Variants in KCNMA1 observed in about 807,000 individuals in gnomAD.
The protein encoded by KCNMA1 is Calcium-activated potassium channel subunit alpha-1.
KCNMA1 carries 29 observed loss-of-function variants against 140.0 expected under a neutral mutation model. The observed-to-expected ratio is 0.21, with a 90% CI of 0.15 to 0.28. The LOEUF is 0.28. Ranked by LOEUF, KCNMA1 falls within the 10% of genes least tolerant of loss-of-function variation. KCNMA1 has a pLI of 1.00. For synonymous variants in KCNMA1, 612 were observed against 611.9 expected (o/e 1.00, Z 0.00); for missense variants, 880 against 1,602.2 (o/e 0.55, Z 7.70).
At chr10:77,425,265 C>T (rs969299686) in intron 1 of KCNMA1, among the ~76,000 whole-genome samples, 2 of 152,188 alleles carry the variant, frequency 1.3e-5, no homozygotes, top group African/African-American at 4.8e-5. Context: ...ATCTTGGTTA[C>T]CCTCACCTGA....
chr10:77,305,517 T>C (rs1054076704), intron 2 of KCNMA1, among the ~76,000 whole-genome samples: 1 of 152,204 alleles, frequency 6.6e-6, no homozygotes, highest in Non-Finnish European at 1.5e-5. Flanking sequence ...TGTTCCTCTT[T>C]ACATCTCTTC....
chr10:76,873,648 A>G (rs1434603308), downstream of KCNMA1: 1 of 152,194 alleles, frequency 6.6e-6, no homozygotes, highest in African/African-American at 2.4e-5. Flanking sequence ...CCTGGAACTC[A>G]GTGTTCAAGC....
intron 20 of KCNMA1, among the ~76,000 whole-genome samples, chr10:76,954,928 A>G (rs989463133): frequency 6.6e-6 from 1 of 152,178 alleles, no homozygotes; most frequent in East Asian, 1.9e-4. Context: ...TGCACCTTGA[A>G]TCATAGTCAA....
chr10:77,335,556 C>CT (rs2088607318), intron 2 of KCNMA1, among the ~76,000 whole-genome samples: 1 of 152,108 alleles, frequency 6.6e-6, no homozygotes, highest in African/African-American at 2.4e-5. Flanking sequence ...ATGTTTGCAC[C>CT]TTTTTTAAAG....
intron 23 of KCNMA1, among the ~76,000 whole-genome samples, chr10:76,920,020 G>GTATA (rs1169838049): frequency 0.047 from 1,615 of 34,362 alleles, 151 homozygotes; most frequent in Non-Finnish European, 0.064. Flanking sequence ...GTGTGTGTGT[G>GTATA]TATATATATA....
In KCNMA1 at chr10:76,887,580, GA is replaced by G. The variant is rs2037693357; in HGVS notation, c.3462-66del. The G allele has an allele frequency of 8.8e-6, 14 of 1,588,382 alleles. No individual in the cohort carries two copies. In the East Asian group the frequency reaches 3.1e-4, roughly 36 times the overall value. ...CTGAGTAAAGAATTCAACTCTCTCT[GA>G]ACCAAAAGCAATGGCCTGGTTACTC... On this transcript the variant is annotated intron_variant, in intron 27 of 27. Transcript: ENST00000286628.
intron 9 of KCNMA1, among the ~76,000 whole-genome samples, chr10:77,101,497 C>T (rs1409396085): frequency 1.3e-5 from 2 of 152,210 alleles, no homozygotes; most frequent in Non-Finnish European, 2.9e-5. Flanking sequence ...CCTGTGTTTC[C>T]TTCTGACTAG....
chr10:77,066,910 C>T (rs2153689825), intron 14 of KCNMA1, among the ~76,000 whole-genome samples: 1 of 152,270 alleles, frequency 6.6e-6, no homozygotes, highest in East Asian at 1.9e-4. Context: ...GCAGCCCTGG[C>T]CCCATTTCAG....
At chr10:77,636,447 G>A (rs1049334725) in intron 1 of KCNMA1, 1 of 1,536,194 alleles carries the variant, frequency 6.5e-7, no homozygotes, top group African/African-American at 1.4e-5. Context: ...GTAAAACCGC[G>A]GCCTCAGGCG....
intron 12 of KCNMA1, among the ~76,000 whole-genome samples, chr10:77,080,120 A>C (rs1595501051): frequency 6.6e-6 from 1 of 152,226 alleles, no homozygotes; most frequent in Non-Finnish European, 1.5e-5. Context: ...AGTGAGAAAG[A>C]AAGCTCAAAG....
intron 1 of KCNMA1, among the ~76,000 whole-genome samples, chr10:77,631,105 C>A (rs1603639105): frequency 1.1e-5 from 1 of 90,120 alleles, no homozygotes; most frequent in Non-Finnish European, 2.3e-5. Flanking sequence ...AGACCCTGTC[C>A]CAAAAAAAAA....
intron 1 of KCNMA1, among the ~76,000 whole-genome samples, chr10:77,582,610 G>A (rs574144894): frequency 6.6e-6 from 1 of 152,284 alleles, no homozygotes; most frequent in Admixed American, 6.5e-5. Context: ...CCCGGAAGTA[G>A]CCCCAACCTT....
intron 2 of KCNMA1, among the ~76,000 whole-genome samples, chr10:77,382,990 G>GTATATATA (rs1401181000): frequency 2.2e-3 from 92 of 42,560 alleles, no homozygotes; most frequent in African/African-American, 0.016. Flanking sequence ...GTGTGTGTGT[G>GTATATATA]TGTGTATATA....
At chr10:77,614,439 G>A (rs1167910305) in intron 1 of KCNMA1, among the ~76,000 whole-genome samples, 1 of 152,206 alleles carries the variant, frequency 6.6e-6, no homozygotes, top group Non-Finnish European at 1.5e-5. Context: ...AAGAAGGGAA[G>A]CATGCGGAAT....
intron 2 of KCNMA1, among the ~76,000 whole-genome samples, chr10:77,356,189 CT>C (rs1198046108): frequency 6.6e-6 from 1 of 152,196 alleles, no homozygotes; most frequent in East Asian, 1.9e-4. Flanking sequence ...ATGCTGGATT[CT>C]CCAGGTTGCA....
intron 1 of KCNMA1, among the ~76,000 whole-genome samples, chr10:77,621,429 C>T (rs1347965612): frequency 6.6e-6 from 1 of 152,058 alleles, no homozygotes; most frequent in African/African-American, 2.4e-5. Flanking sequence ...TGCACAGGCC[C>T]ATGGTTTAAT....
In KCNMA1 at chr10:77,084,642, G is replaced by T. The variant is rs765324091; in HGVS notation, c.1518C>A (p.Ile506=). The T allele has an allele frequency of 1.9e-6, 3 of 1,613,650 alleles. No homozygotes were observed. Among genetic ancestry groups the T allele is most frequent in the South Asian group, 2.2e-5 (2 of 91,076 alleles). The part of the protein sequence containing the change: ...ADPDAEDASN[I]MRVISIKNYH... ...CGCAGCGCCCCAAGAGTTACCTCAT[G>T]ATATTCGAGGCATCCTCCGCATCCG... Residue 506 remains isoleucine, a synonymous_variant, in exon 12 of 28, where the codon ATC becomes ATA. Coordinates refer to ENST00000286628, the MANE Select transcript of KCNMA1 (RefSeq NM_001161352.2).
In KCNMA1 at chr10:77,548,993, C is replaced by T. The variant is rs908425344; in HGVS notation, c.378+88272G>A. On this transcript the variant is annotated intron_variant, in intron 1 of 27. Coordinates refer to ENST00000286628, the MANE Select transcript of KCNMA1 (RefSeq NM_001161352.2). The stretch of plus-strand genomic sequence containing the variant: ...AAATCATGATGTGCTTCACTTGAGT[C>T]GTGGATGGTGATGCTATCTTCCCAC... Among the ~76,000 whole-genome samples, 3 of 152,180 alleles carry T rather than the reference C, an allele frequency of 2.0e-5. No homozygotes were observed. In the East Asian group the frequency reaches 5.8e-4, roughly 29 times the overall value.
chr10:76,926,261 T>C (rs762972702), intron 23 of KCNMA1, among the ~76,000 whole-genome samples: 6 of 152,204 alleles, frequency 3.9e-5, no homozygotes, highest in Non-Finnish European at 8.8e-5. Flanking sequence ...TTGAACACTG[T>C]GGCTAGACTG....
Sources: allele counts gnomAD v4.1 joint callset (sites outside exome capture counted in the v4.1 genomes callset), GRCh38; gene constraint gnomAD v4.1.1; transcripts MANE v1.5; gene names NCBI Gene and HGNC (gene_info 2026-07-23, HGNC 2026-07-21).